EMP1: variants seen among roughly 807,000 people sequenced by gnomAD.
EMP1 encodes the protein epithelial membrane protein 1.
EMP1 carries 5 observed loss-of-function variants against 15.7 expected under a neutral mutation model. The ratio of observed to expected loss-of-function variants is 0.32; its 90% CI spans 0.17 to 0.67. The LOEUF is 0.67. EMP1 is among the 30% of genes least tolerant of loss of function. EMP1 has a pLI of 0.74. For synonymous variants in EMP1, 78 were observed against 76.7 expected (o/e 1.02, Z -0.09); for missense variants, 166 against 194.2 (o/e 0.85, Z 0.86).
Position 13,210,335 on chromosome 12 carries a change from C to T in EMP1, c.-42-1134C>T, listed in dbSNP as rs117802540. The stretch of plus-strand genomic sequence containing the variant: ...TCTAGGGTGTGAATAACCTCAAGCC[C>T]TTTCCTTTTGATGTCCCTCTGAGCC... On this transcript the variant is annotated intron_variant, in intron 1 of 4. Coordinates refer to ENST00000256951, the MANE Select transcript of EMP1 (RefSeq NM_001423.3). 3.7e-3 allele frequency among the ~76,000 whole-genome samples: 567 copies of T among 152,300 alleles called. 5 individuals carry two copies. The East Asian group carries it at 0.057, about 15-fold the overall frequency.
At chr12:13,214,397 C>G in intron 4 of EMP1, 137 bp from the exon 5 acceptor site, 1 of 1,250,072 alleles carries the variant, frequency 8.0e-7, no homozygotes, top group South Asian at 1.5e-5. Flanking sequence ...TCCATCAGAA[C>G]TCCTGTTTAG....
At chr12:13,201,011 A>G (rs777711988) in intron 1 of EMP1, among the ~76,000 whole-genome samples, 7 of 152,218 alleles carry the variant, frequency 4.6e-5, no homozygotes, top group Non-Finnish European at 8.8e-5. Context: ...GACTAGGAAG[A>G]CAGAGGGGCA....
At chr12:13,214,058 C>A in intron 4 of EMP1, 1 of 687,512 alleles carries the variant, frequency 1.5e-6, no homozygotes, top group South Asian at 1.6e-5. Context: ...CAGTGCATAT[C>A]TGTTAGTAGC....
intron 1 of EMP1, among the ~76,000 whole-genome samples, chr12:13,203,571 G>A (rs1864085083): frequency 6.6e-6 from 1 of 152,262 alleles, no homozygotes; most frequent in Non-Finnish European, 1.5e-5. Flanking sequence ...CTCTGCCAGA[G>A]AAGCATAAAG....
chr12:13,211,262 C>T lies in EMP1; in HGVS notation c.-42-207C>T, dbSNP rs747745257. ...CCAAGAAGAAACCAAATTCTGTTTC[C>T]ATGTAGGTATGTATAACTGGATGAA... On this transcript the variant is annotated intron_variant, in intron 1 of 4. Coordinates refer to ENST00000256951, the MANE Select transcript of EMP1 (RefSeq NM_001423.3). The surrounding 1 kb of genome is among the most constrained non-coding windows in gnomAD (Gnocchi z 4.7). Among the ~76,000 whole-genome samples the T allele has an allele frequency of 2.6e-5, 4 of 151,984 alleles. No homozygotes were observed. Among genetic ancestry groups the T allele is most frequent in the Non-Finnish European group, 4.4e-5 (3 of 68,002 alleles).
chr12:13,210,263 G>A (rs574702008), intron 1 of EMP1, among the ~76,000 whole-genome samples: 4 of 152,268 alleles, frequency 2.6e-5, no homozygotes, highest in African/African-American at 9.6e-5. Flanking sequence ...TGCAGGATGC[G>A]CCTGGCCATC....
chr12:13,205,330 C>T (rs531289036), intron 1 of EMP1, among the ~76,000 whole-genome samples: 47 of 152,070 alleles, frequency 3.1e-4, no homozygotes, highest in Non-Finnish European at 6.3e-4. Flanking sequence ...CACATATATA[C>T]CCTTGTATAT....
At chr12:13,210,346 A>T (rs1176970508) in intron 1 of EMP1, among the ~76,000 whole-genome samples, 1 of 152,130 alleles carries the variant, frequency 6.6e-6, no homozygotes, top group African/African-American at 2.4e-5. Flanking sequence ...TTTCCTTTTG[A>T]TGTCCCTCTG....
intron 1 of EMP1, among the ~76,000 whole-genome samples, chr12:13,201,115 A>T (rs78562411): frequency 1.3e-5 from 2 of 152,276 alleles, no homozygotes; most frequent in East Asian, 1.9e-4. Context: ...CAGACCCCTT[A>T]TGGCTCTGAG....
chr12:13,212,788 C>T (rs1272055269), intron 2 of EMP1, among the ~76,000 whole-genome samples: 1 of 152,224 alleles, frequency 6.6e-6, no homozygotes, highest in African/African-American at 2.4e-5. Flanking sequence ...CTTGTTTTCT[C>T]TTCCAGAAGG....
At chr12:13,201,899 G>A (rs1864069396) in intron 1 of EMP1, among the ~76,000 whole-genome samples, 1 of 151,954 alleles carries the variant, frequency 6.6e-6, no homozygotes, top group African/African-American at 2.4e-5. Context: ...TGAGGAGGGA[G>A]ACCCTGCAGC....
Position 13,214,654 on chromosome 12 carries a change from T to A in EMP1, c.437T>A (p.Ile146Asn). The A allele has an allele frequency of 6.2e-7, 1 of 1,613,668 alleles. No individual in the cohort carries two copies. The highest frequency in any genetic ancestry group is 1.1e-5 in the South Asian group (1 of 91,040). ...LGWICFCFSF[I>N]IGVLYLVLRK... Reference sequence around the variant, plus strand: ...TGGATCTGCTTCTGCTTCAGCTTCATCATCGGCGTTCTCTATCTGGTCCTG... The same window carrying A: ...TGGATCTGCTTCTGCTTCAGCTTCAACATCGGCGTTCTCTATCTGGTCCTG... Residue 146 changes from isoleucine (I) to asparagine (N), a missense_variant, in exon 5 of 5, where the codon ATC (isoleucine) becomes AAC (asparagine). By Grantham distance (149) the Ile-to-Asn change is moderately radical. Coordinates refer to ENST00000256951, the MANE Select transcript of EMP1 (RefSeq NM_001423.3).
intron 1 of EMP1, among the ~76,000 whole-genome samples, chr12:13,200,605 C>T (rs1430828042): frequency 2.6e-5 from 4 of 152,208 alleles, no homozygotes; most frequent in South Asian, 2.1e-4. Flanking sequence ...CACCCAGCCC[C>T]GACATACACA....
chr12:13,218,077 G>A lies in EMP1; in HGVS notation c.*3386G>A, dbSNP rs11055287. 3.0e-4 allele frequency: 45 copies of A among 152,346 alleles called. 1 individual carries two copies. The East Asian group carries it at 7.3e-3, about 25-fold the overall frequency. The allele number at this position is 152,346 out of a possible 1,614,324, so 9.4% of individuals were successfully genotyped here. ...TGCAAATTATGAGTATAAAGAGGGT[G>A]AGCTACAGAACTCTCCATGACCACT... is the stretch of plus-strand genomic sequence containing the variant. On this transcript the variant is annotated 3_prime_UTR_variant, in exon 5 of 5. Transcript: ENST00000256951.
At chr12:13,214,338 C>A in intron 4 of EMP1, 196 bp from the exon 5 acceptor site, 1 of 712,414 alleles carries the variant, frequency 1.4e-6, no homozygotes, top group Non-Finnish European at 2.3e-6. Flanking sequence ...CATGAGAGCC[C>A]AGACACCTCT....
At chr12:13,213,191 G>A (rs528530362) in intron 2 of EMP1, among the ~76,000 whole-genome samples, 1 of 152,290 alleles carries the variant, frequency 6.6e-6, no homozygotes, top group South Asian at 2.1e-4. Context: ...AACCACTGTG[G>A]TTGAGTTACT....
chr12:13,210,060 C>A lies in EMP1; in HGVS notation c.-42-1409C>A, dbSNP rs1487633008. ...TCCTTGCTTGCAGAGAGCAAGGCAC[C>A]CTGATGTATATTAGATCACTCTAGA... is the stretch of plus-strand genomic sequence containing the variant. On this transcript the variant is annotated intron_variant, in intron 1 of 4. Coordinates refer to ENST00000256951, the MANE Select transcript of EMP1 (RefSeq NM_001423.3). 2.0e-5 allele frequency among the ~76,000 whole-genome samples: 3 copies of A among 152,102 alleles called. No individual in the cohort carries two copies. In the East Asian group the frequency reaches 5.8e-4, roughly 29 times the overall value.
chr12:13,213,625 A>G lies in EMP1; in HGVS notation c.175+50A>G, dbSNP rs752412944. On this transcript the variant is annotated intron_variant, in intron 3 of 4. Coordinates refer to ENST00000256951, the MANE Select transcript of EMP1 (RefSeq NM_001423.3). ...TGCTGACAATAGGTGTGGTCAGGGA[A>G]TGTTCAGCCCCTGGAGTGACCTCAT... is the stretch of plus-strand genomic sequence containing the variant. 3 of 1,613,902 alleles carry G rather than the reference A, an allele frequency of 1.9e-6. No individual in the cohort carries two copies. In the African/African-American group the frequency reaches 4.0e-5, roughly 22 times the overall value.
chr12:13,205,410 A>G (rs1864102980), intron 1 of EMP1, among the ~76,000 whole-genome samples: 2 of 152,232 alleles, frequency 1.3e-5, no homozygotes, highest in South Asian at 2.1e-4. Context: ...CAAAGTTTGC[A>G]TACAATAAGA....
Sources: gnomAD v4.1 joint callset for allele counts (sites outside exome capture counted in the v4.1 genomes callset) on GRCh38, gnomAD v4.1.1 for gene constraint, Gnocchi (gnomAD v3.1) non-coding constraint, MANE v1.5 for transcripts, NCBI Gene and HGNC (gene_info 2026-07-23, HGNC 2026-07-21) for gene names.